PDK2: variants seen among roughly 807,000 people sequenced by gnomAD.
PDK2 encodes the protein pyruvate dehydrogenase kinase 2.
Under a neutral mutation model 50.4 loss-of-function variants are expected in PDK2, and 34 were observed. That is an observed-to-expected ratio of 0.68 (90% CI 0.51 to 0.90). PDK2 has a LOEUF of 0.90. Ranked by LOEUF, PDK2 falls within the 40% of genes least tolerant of loss-of-function variation. PDK2 has a pLI of 0.00. For missense variants in PDK2, 377 were observed against 544.5 expected (o/e 0.69, Z 3.06); for synonymous variants, 232 against 216.0 (o/e 1.07, Z -0.65).
rs781678614 is a variant in PDK2 at position 50,108,345 on chromosome 17, C to T, written c.789C>T (p.Ser263=). The change falls in exon 8 of 11, where the codon AGC becomes AGT. Residue 263 remains serine, a synonymous_variant. Transcript: ENST00000503176. ...FKNAMRATVE[S]HESSLILPPI... is the part of the protein sequence containing the mutation. Reference sequence around the variant, plus strand: ...ATGCCATGAGGGCGACTGTGGAAAGCCATGAGTCCAGCCTCATTCTCCCAC... The same window carrying T: ...ATGCCATGAGGGCGACTGTGGAAAGTCATGAGTCCAGCCTCATTCTCCCAC... 2.0e-5 allele frequency: 33 copies of T among 1,613,944 alleles called. No homozygotes were observed. Among genetic ancestry groups the T allele is most frequent in the Non-Finnish European group, 2.4e-5 (28 of 1,179,938 alleles).
In PDK2 at chr17:50,105,911, G is replaced by A. The variant is rs1405812431; in HGVS notation, c.359G>A (p.Arg120Gln). Residue 120 changes from arginine to glutamine, a missense_variant, in exon 4 of 11, where the codon CGG (arginine) becomes CAG (glutamine). Transcript: ENST00000503176. ...TTCACTGACGCCCTGGTCACCATCC[G>A]GAACCGGCACAACGACGTGGTGCCC... The part of the protein sequence containing the change: ...SQFTDALVTI[R>Q]NRHNDVVPTM... 1 of 1,613,586 alleles carries A rather than the reference G, an allele frequency of 6.2e-7. No homozygotes were observed. Among genetic ancestry groups the A allele is most frequent in the South Asian group, 1.1e-5 (1 of 90,922 alleles).
At chr17:50,104,349 C>T (rs531757142) in intron 2 of PDK2, 2 of 152,554 alleles carry the variant, frequency 1.3e-5, no homozygotes, top group East Asian at 3.9e-4. Context: ...CTCCCAGGTT[C>T]AAGCGATTCT....
intron 1 of PDK2, among the ~76,000 whole-genome samples, chr17:50,096,627 C>T (rs560745946): frequency 6.6e-6 from 1 of 152,326 alleles, no homozygotes; most frequent in South Asian, 2.1e-4. Context: ...CCCTAGCCCC[C>T]AGCAGCTGTC....
chr17:50,096,039 G>C (rs761140146), intron 1 of PDK2: 9 of 843,668 alleles, frequency 1.1e-5, no homozygotes, highest in Non-Finnish European at 1.3e-5. Context: ...CTGGGCAGAG[G>C]GTGAGATTAA....
chr17:50,097,696 G>T (rs1910020330), intron 2 of PDK2, 132 bp downstream of exon 2: 1 of 1,089,604 alleles, frequency 9.2e-7, no homozygotes, highest in Non-Finnish European at 1.3e-6. Flanking sequence ...AAAGCCCCAA[G>T]CGCTTGGAGT....
intron 2 of PDK2, among the ~76,000 whole-genome samples, chr17:50,104,649 G>GA: frequency 3.9e-5 from 6 of 152,194 alleles, no homozygotes; most frequent in African/African-American, 1.4e-4. Flanking sequence ...GGGAGGAGGT[G>GA]GCAGGGCATC....
At chr17:50,096,389 C>A in intron 1 of PDK2, 2 of 748,222 alleles carry the variant, frequency 2.7e-6, no homozygotes, top group Non-Finnish European at 3.3e-6. Context: ...CCCTGTCTGT[C>A]TATGTGGTAT....
chr17:50,106,098 G>A (rs748980664), intron 4 of PDK2, 29 bp downstream of exon 4: 10 of 1,566,588 alleles, frequency 6.4e-6, no homozygotes, highest in Middle Eastern at 3.3e-4. Flanking sequence ...GGCGGGGAGC[G>A]GGCGGTGGGG....
intron 2 of PDK2, among the ~76,000 whole-genome samples, chr17:50,100,064 G>A (rs1271940673): frequency 6.6e-6 from 1 of 152,208 alleles, no homozygotes; most frequent in Non-Finnish European, 1.5e-5. Flanking sequence ...CCTGAGAGGA[G>A]GGGGGAGACT....
At chr17:50,096,134 G>A in intron 1 of PDK2, 1 of 985,730 alleles carries the variant, frequency 1.0e-6, no homozygotes, top group Non-Finnish European at 1.2e-6. Context: ...ACCCACAGAA[G>A]GAGCTGGACC....
At position 50,105,381 on chromosome 17, in the gene PDK2, A is replaced by C; in HGVS notation, c.271A>C (p.Ser91Arg). 5 of 1,612,888 alleles carry C rather than the reference A, an allele frequency of 3.1e-6. No homozygotes were observed. The highest frequency in any genetic ancestry group is 4.2e-6 in the Non-Finnish European group (5 of 1,179,428). ...VQLVQSWYVQSLLDIMEFLDK... is the reference protein window; with the variant it reads ...VQLVQSWYVQRLLDIMEFLDK... The stretch of plus-strand genomic sequence containing the variant: ...CCCGCCCCCACACAGGTATGTCCAG[A>C]GCCTCCTGGACATCATGGAGTTCCT... Residue 91 changes from serine (S) to arginine (R), a missense_variant, in exon 3 of 11, where the codon AGC (serine) becomes CGC (arginine). Around this residue, in one of 3 missense-constraint regions of PDK2, gnomAD observed 100 missense variants for 115.5 expected, o/e 0.87. Transcript: ENST00000503176.
At chr17:50,105,154 C>A in intron 2 of PDK2, 1 of 472,096 alleles carries the variant, frequency 2.1e-6, no homozygotes. Context: ...AAACGGGGGA[C>A]CAGCAAATTT....
At chr17:50,107,229 G>A in intron 6 of PDK2, 76 bp downstream of exon 6, 5 of 1,043,684 alleles carry the variant, frequency 4.8e-6, no homozygotes, top group Non-Finnish European at 7.6e-6. Context: ...GGGGAGTCAG[G>A]AGATGGACTG....
Position 50,095,358 on chromosome 17 carries a change from G to A in PDK2, c.-78G>A. 4 of 1,069,018 alleles carry A rather than the reference G, an allele frequency of 3.7e-6. No homozygotes were observed. Among genetic ancestry groups the A allele is most frequent in the South Asian group, 2.9e-5 (2 of 68,530 alleles). The allele number at this position is 1,069,018 out of a possible 1,614,324, so 66.2% of individuals were successfully genotyped here. A position where few individuals can be genotyped will look rare whatever the true frequency, so the allele number is the denominator to read the frequency against. On this transcript the variant is annotated 5_prime_UTR_variant, in exon 1 of 11. Coordinates refer to ENST00000503176, the MANE Select transcript of PDK2 (RefSeq NM_002611.5). ...GGGCAAGGGTAGGGAGGAGGCGGCC[G>A]AACCGCGTCGCTGGGCCGAAAGGTG...
At chr17:50,102,662 G>T (rs902989603) in intron 2 of PDK2, among the ~76,000 whole-genome samples, 3 of 152,230 alleles carry the variant, frequency 2.0e-5, no homozygotes, top group Admixed American at 6.5e-5. Context: ...GGTGCGTTTA[G>T]GGAGCAAGGG....
chr17:50,106,782 T>G lies in PDK2; in HGVS notation c.518-12T>G. ...CAGCCCAGCCAACAGCATCCTCCCTTCCTGCCTGCAGCCCTCATCTTTGAT... is the reference window on the plus strand; with the variant it reads ...CAGCCCAGCCAACAGCATCCTCCCTGCCTGCCTGCAGCCCTCATCTTTGAT... On this transcript the variant is annotated splice_polypyrimidine_tract_variant and intron_variant, in intron 4 of 10. Coordinates refer to ENST00000503176, the MANE Select transcript of PDK2 (RefSeq NM_002611.5). 6.2e-7 allele frequency: 1 copy of G among 1,612,668 alleles called. No individual in the cohort carries two copies. Among genetic ancestry groups the G allele is most frequent in the East Asian group, 2.2e-5 (1 of 44,880 alleles).
intron 2 of PDK2, among the ~76,000 whole-genome samples, chr17:50,103,315 C>T (rs1424741389): frequency 6.6e-6 from 1 of 151,226 alleles, no homozygotes; most frequent in Non-Finnish European, 1.5e-5. Flanking sequence ...CAGCCCCCTT[C>T]GTGTGGCAGT....
In PDK2 at chr17:50,111,531, G is replaced by GCT. The variant is rs1910845605; in HGVS notation, c.*1435_*1436dup. The GCT allele has an allele frequency of 6.6e-6, 1 of 152,274 alleles. No individual in the cohort carries two copies. The highest frequency in any genetic ancestry group is 1.9e-4 in the East Asian group (1 of 5,192). 9.4% of individuals were successfully genotyped at this position (152,274 alleles called of 1,614,324 possible). ...CACAGATAGCAGAGGGGGGATAAGGGCTGAGTCCCAGGTACAGGGTGCTGG... is the reference window on the plus strand; with the variant it reads ...CACAGATAGCAGAGGGGGGATAAGGGCTCTGAGTCCCAGGTACAGGGTGCTGG... On this transcript the variant is annotated 3_prime_UTR_variant, in exon 11 of 11. Coordinates refer to ENST00000503176, the MANE Select transcript of PDK2 (RefSeq NM_002611.5).
In PDK2 at chr17:50,095,423, G is replaced by A. The variant is rs776122255; in HGVS notation, c.-13G>A. The stretch of plus-strand genomic sequence containing the variant: ...GCGCGGGGACCACAACCAAAGTCGC[G>A]GCCGCCGCAGCCATGCGCTGGGTGT... On this transcript the variant is annotated 5_prime_UTR_variant, in exon 1 of 11. Transcript: ENST00000503176. 3.2e-6 allele frequency: 5 copies of A among 1,587,210 alleles called. No homozygotes were observed. The African/African-American group carries it at 5.4e-5, about 17-fold the overall frequency.
Sources: allele counts gnomAD v4.1 joint callset (sites outside exome capture counted in the v4.1 genomes callset), GRCh38; gene constraint gnomAD v4.1.1; regional missense constraint gnomAD v4.1.1; transcripts MANE v1.5; gene names NCBI Gene and HGNC (gene_info 2026-07-23, HGNC 2026-07-21).